The following ZNF654 variants were observed in gnomAD, a reference collection of about 807,000 sequenced individuals.
The protein encoded by ZNF654 is melanoma-associated antigen.
In ZNF654, 19 loss-of-function variants were observed where a neutral mutation model predicts 95.3. The ratio of observed to expected loss-of-function variants is 0.20; its 90% confidence interval spans 0.14 to 0.29. ZNF654 has a LOEUF of 0.29. Among genes scored for constraint, ZNF654 ranks in the 10% least tolerant of loss-of-function variants. The pLI is 1.00. For synonymous variants in ZNF654, 413 were observed against 457.9 expected (o/e 0.90, Z 1.25); for missense variants, 1,046 against 1,341.0 (o/e 0.78, Z 3.44).
intron 1 of ZNF654, among the ~76,000 whole-genome samples, chr3:88,082,479 A>G (rs1230213303): frequency 2.6e-5 from 4 of 152,202 alleles, no homozygotes; most frequent in Admixed American, 2.6e-4. Context: ...GATGAACTTA[A>G]TATTAGTGAA....
intron 8 of ZNF654, among the ~76,000 whole-genome samples, chr3:88,141,279 G>T (rs1285122589): frequency 2.6e-5 from 4 of 152,036 alleles, no homozygotes; most frequent in Non-Finnish European, 5.9e-5. Context: ...ATAGGGCTTT[G>T]CCTATGAACT....
Position 88,141,741 on chromosome 3 carries a change from A to G in ZNF654, c.*89A>G. On this transcript the variant is annotated 3_prime_UTR_variant, in exon 9 of 9. Coordinates refer to ENST00000636215, the MANE Select transcript of ZNF654 (RefSeq NM_001350134.2). ...GCATCATCAGTTTGCTATTTCCCTGATGGCCTTAATTTTAGAGTGGTCTTG... is the reference window on the plus strand; with the variant it reads ...GCATCATCAGTTTGCTATTTCCCTGGTGGCCTTAATTTTAGAGTGGTCTTG... The G allele has an allele frequency of 9.5e-7, 1 of 1,052,788 alleles. No homozygotes were observed. The highest frequency in any genetic ancestry group is 1.3e-6 in the Non-Finnish European group (1 of 747,784). The allele number at this position is 1,052,788 out of a possible 1,614,324, so 65.2% of individuals were successfully genotyped here.
chr3:88,144,436 T>C lies in ZNF654; in HGVS notation c.*2784T>C, dbSNP rs555565598. 6.6e-6 allele frequency: 1 copy of C among 152,546 alleles called. No homozygotes were observed. The highest frequency in any genetic ancestry group is 6.5e-5 in the Admixed American group (1 of 15,268). 9.4% of individuals were successfully genotyped at this position (152,546 alleles called of 1,614,324 possible). ...ACACCTTTTCAGAATGAGTAAATGC[T>C]GCATATGCATTTTGGAGTTGTTAAT... On this transcript the variant is annotated 3_prime_UTR_variant, in exon 9 of 9. Coordinates refer to ENST00000636215, the MANE Select transcript of ZNF654 (RefSeq NM_001350134.2).
chr3:88,066,158 T>A (rs773790561), intron 1 of ZNF654, among the ~76,000 whole-genome samples: 1 of 152,250 alleles, frequency 6.6e-6, no homozygotes, highest in East Asian at 1.9e-4. Context: ...AATAAACTTA[T>A]GAAAATCATT....
At chr3:88,116,557 T>TACACACACACAC (rs745598873) in intron 3 of ZNF654, among the ~76,000 whole-genome samples, 277 of 25,500 alleles carry the variant, frequency 0.011, 1 homozygote, top group Admixed American at 0.044. Flanking sequence ...TACATACATA[T>TACACACACACAC]ATATACACAC....
At chr3:88,064,682 A>G (rs1253790318) in intron 1 of ZNF654, among the ~76,000 whole-genome samples, 1 of 152,102 alleles carries the variant, frequency 6.6e-6, no homozygotes, top group Admixed American at 6.5e-5. Context: ...CATCCATCTA[A>G]TTTCCAACTA....
chr3:88,140,023 G>A lies in ZNF654; in HGVS notation c.2354G>A (p.Ser785Asn), dbSNP rs765881684. The A allele has an allele frequency of 6.2e-7, 1 of 1,613,708 alleles. No homozygotes were observed. Among genetic ancestry groups the A allele is most frequent in the South Asian group, 1.1e-5 (1 of 91,064 alleles). The change falls in exon 8 of 9, where the codon AGC becomes AAC. Residue 785 changes from serine (S) to asparagine (N), a missense_variant. Physicochemically the swap from Ser to Asn is conservative, Grantham distance 46. Transcript: ENST00000636215. ...LNVRQTVMKWSKGKCKFCQRQ... is the reference protein window; with the variant it reads ...LNVRQTVMKWNKGKCKFCQRQ... Reference sequence around the variant, plus strand: ...GTGCGACAAACAGTAATGAAGTGGAGCAAAGGAAAATGCAAATTTTGTCAA... The same window carrying A: ...GTGCGACAAACAGTAATGAAGTGGAACAAAGGAAAATGCAAATTTTGTCAA...
At chr3:88,094,880 A>G (rs1198142468) in intron 2 of ZNF654, among the ~76,000 whole-genome samples, 2 of 152,034 alleles carry the variant, frequency 1.3e-5, no homozygotes, top group Non-Finnish European at 2.9e-5. Flanking sequence ...GGAATGAAGA[A>G]AAAAGAAAAA....
intron 3 of ZNF654, among the ~76,000 whole-genome samples, chr3:88,116,164 A>G (rs1362267958): frequency 6.6e-6 from 1 of 152,230 alleles, no homozygotes; most frequent in African/African-American, 2.4e-5. Context: ...TCAGAAGTGC[A>G]TCAGGCATGC....
chr3:88,139,487 T>G lies in ZNF654; in HGVS notation c.1818T>G (p.Ala606=), dbSNP rs1459419430. Residue 606 remains alanine, a synonymous_variant, in exon 8 of 9, where the codon GCT becomes GCG. Transcript: ENST00000636215. ...KKIQRQQIAA[A]QQDDQEVTAL... is the part of the protein sequence containing the mutation. The stretch of plus-strand genomic sequence containing the variant: ...TACAGAGGCAGCAAATTGCTGCAGC[T>G]CAACAGGATGATCAGGAAGTCACTG... 4 of 1,613,738 alleles carry G rather than the reference T, an allele frequency of 2.5e-6. No homozygotes were observed. The African/African-American group carries it at 4.0e-5, about 16-fold the overall frequency.
rs1290648260 is a variant in ZNF654, at chr3:88,108,170, G to GA, written c.333-4945_333-4944insA. ...TTGACCATGTAGGTATATGAATTCA[G>GA]GTCACGACCTACATGAGAAGATTTT... On this transcript the variant is annotated intron_variant, in intron 2 of 8. Transcript: ENST00000636215. Among the ~76,000 whole-genome samples the GA allele has an allele frequency of 1.7e-3, 264 of 151,940 alleles. 1 individual carries two copies. Among genetic ancestry groups the GA allele is most frequent in the African/African-American group, 5.2e-3 (214 of 41,470 alleles).
At chr3:88,133,269 G>T (rs1328397900) in intron 6 of ZNF654, among the ~76,000 whole-genome samples, 2 of 152,038 alleles carry the variant, frequency 1.3e-5, no homozygotes, top group Non-Finnish European at 2.9e-5. Context: ...TCATTGAATT[G>T]GGTGTGCCAC....
intron 1 of ZNF654, among the ~76,000 whole-genome samples, chr3:88,059,897 C>T (rs1432961436): frequency 6.6e-6 from 1 of 152,094 alleles, no homozygotes; most frequent in Non-Finnish European, 1.5e-5. Context: ...CATTTTCTGC[C>T]TTCCCCTCTC....
intron 2 of ZNF654, among the ~76,000 whole-genome samples, chr3:88,106,143 T>G (rs980471218): frequency 1.3e-5 from 2 of 152,188 alleles, no homozygotes; most frequent in African/African-American, 4.8e-5. Context: ...TTACTCAGTC[T>G]CAGGTACTCT....
chr3:88,077,077 TA>T (rs1379553800), intron 1 of ZNF654, among the ~76,000 whole-genome samples: 1 of 152,136 alleles, frequency 6.6e-6, no homozygotes, highest in African/African-American at 2.4e-5. Flanking sequence ...TGAGATAGAG[TA>T]AGTTCTTATT....
intron 1 of ZNF654, among the ~76,000 whole-genome samples, chr3:88,059,995 A>G (rs1430509478): frequency 6.6e-6 from 1 of 151,262 alleles, no homozygotes; most frequent in Non-Finnish European, 1.5e-5. Context: ...CCCCTCTTCT[A>G]GGGTCTCCTG....
At chr3:88,086,200 A>G in intron 1 of ZNF654, 57 bp from the exon 2 acceptor site, 1 of 1,465,540 alleles carries the variant, frequency 6.8e-7, no homozygotes. Context: ...GCAAATTTTT[A>G]AACTCGAGAT....
chr3:88,082,159 G>A (rs1231801446), intron 1 of ZNF654, among the ~76,000 whole-genome samples: 1 of 149,240 alleles, frequency 6.7e-6, no homozygotes, highest in African/African-American at 2.5e-5. Context: ...ATGGAGTCTC[G>A]CTTTGTTGCC....
At chr3:88,063,536 A>G (rs1300114162) in intron 1 of ZNF654, among the ~76,000 whole-genome samples, 2 of 152,182 alleles carry the variant, frequency 1.3e-5, no homozygotes, top group East Asian at 3.8e-4. Context: ...GGATTTACAT[A>G]ATACTTATTA....
Sources: allele counts gnomAD v4.1 joint callset (sites outside exome capture counted in the v4.1 genomes callset), GRCh38; gene constraint gnomAD v4.1.1; transcripts MANE v1.5; gene names NCBI Gene and HGNC (gene_info 2026-07-23, HGNC 2026-07-21).